Variants in SNX27 observed in about 807,000 individuals in gnomAD.
The protein encoded by SNX27 is sorting nexin-27.
A neutral mutation model predicts 71.6 loss-of-function variants in SNX27; 22 were observed. That is an observed-to-expected ratio of 0.31 (90% CI 0.22 to 0.44). The LOEUF is 0.44. Ranked by LOEUF, SNX27 falls within the 20% of genes least tolerant of loss-of-function variation. The pLI is 1.00. For synonymous variants in SNX27, 269 were observed against 277.2 expected (o/e 0.97, Z 0.29); for missense variants, 531 against 698.6 (o/e 0.76, Z 2.70).
At position 151,612,841 on chromosome 1, in the gene SNX27, T is replaced by C. The variant is rs542935109; in HGVS notation, c.311+329T>C. ...TGGCGTGCTGCATTCTGCTCCTCAC[T>C]CCCCCTCGTCTTGCTCAGAAGGAAC... On this transcript the variant is annotated intron_variant, in intron 1 of 11. Transcript: ENST00000458013. The surrounding 1 kb of genome is among the most constrained non-coding windows in gnomAD (Gnocchi z 5.2). 6.6e-6 allele frequency among the ~76,000 whole-genome samples: 1 copy of C among 151,914 alleles called. No homozygotes were observed. Among genetic ancestry groups the C allele is most frequent in the East Asian group, 1.9e-4 (1 of 5,150 alleles).
chr1:151,648,382 A>G (rs1388898052), intron 2 of SNX27, among the ~76,000 whole-genome samples: 1 of 149,930 alleles, frequency 6.7e-6, no homozygotes, highest in African/African-American at 2.5e-5. Context: ...ATGAGAAAAG[A>G]GTTATTTTAT....
rs776392332 is a variant in SNX27, at chr1:151,683,353, T to C, written c.1150-3T>C. On this transcript the variant is annotated splice_polypyrimidine_tract_variant and splice_region_variant and intron_variant, in intron 7 of 11. Coordinates refer to ENST00000458013, the MANE Select transcript of SNX27 (RefSeq NM_001330723.2). ...TTCTGCTCTACTTCTGTTTTGGTGA[T>C]AGGCAGTCGATGATGTGAAGAAAGG... 3 of 1,610,186 alleles carry C rather than the reference T, an allele frequency of 1.9e-6. No homozygotes were observed. Among genetic ancestry groups the C allele is most frequent in the South Asian group, 2.2e-5 (2 of 90,356 alleles).
Position 151,666,032 on chromosome 1 carries a change from C to G in SNX27, c.985+21C>G, listed in dbSNP as rs1258455821. ...CTTTGGTAAGTACCAGTGGCTGATA[C>G]TAAGTTTTGTTTTCTAATACTATGA... is the stretch of plus-strand genomic sequence containing the variant. On this transcript the variant is annotated intron_variant, in intron 6 of 11. Coordinates refer to ENST00000458013, the MANE Select transcript of SNX27 (RefSeq NM_001330723.2). 3.8e-6 allele frequency: 6 copies of G among 1,589,374 alleles called. No homozygotes were observed. In the South Asian group the frequency reaches 5.6e-5, roughly 15 times the overall value.
chr1:151,662,542 G>T lies in SNX27; in HGVS notation c.906+272G>T, dbSNP rs576570988. 2.7e-3 allele frequency: 549 copies of T among 202,500 alleles called. 1 individual carries two copies. The highest frequency in any genetic ancestry group is 4.4e-3 in the Non-Finnish European group (425 of 96,190). The allele number at this position is 202,500 out of a possible 1,614,324, so 12.5% of individuals were successfully genotyped here. On this transcript the variant is annotated intron_variant, in intron 5 of 11. Transcript: ENST00000458013. ...CTGTCACCCAGGCTGGAGTGCAGTG[G>T]CGCAATCTCCGCTCACTGCAACCTC...
intron 1 of SNX27, among the ~76,000 whole-genome samples, chr1:151,621,968 G>T (rs531759095): frequency 6.6e-6 from 1 of 152,060 alleles, no homozygotes; most frequent in Non-Finnish European, 1.5e-5. Context: ...CTGAAGTTTC[G>T]TTTGTGAGTT....
chr1:151,648,211 G>A (rs1322995077), intron 2 of SNX27, among the ~76,000 whole-genome samples: 4 of 151,830 alleles, frequency 2.6e-5, no homozygotes, highest in African/African-American at 7.3e-5. Context: ...GCACCACCAC[G>A]CCCAGCTCAT....
chr1:151,649,659 C>G lies in SNX27; in HGVS notation c.544-8576C>G, dbSNP rs917647095. 3.0e-4 allele frequency among the ~76,000 whole-genome samples: 46 copies of G among 152,208 alleles called. 1 individual carries two copies. The highest frequency in any genetic ancestry group is 1.1e-3 in the African/African-American group (46 of 41,530). Reference sequence around the variant, plus strand: ...AAGCCTGCTTGTTTTATTTTTTGGTCTTTTCTATGGATTATTTTAACCCTC... The same window carrying G: ...AAGCCTGCTTGTTTTATTTTTTGGTGTTTTCTATGGATTATTTTAACCCTC... On this transcript the variant is annotated intron_variant, in intron 2 of 11. Transcript: ENST00000458013.
At chr1:151,653,560 T>C (rs1398273779) in intron 2 of SNX27, among the ~76,000 whole-genome samples, 1 of 152,182 alleles carries the variant, frequency 6.6e-6, no homozygotes, top group Non-Finnish European at 1.5e-5. Flanking sequence ...CTTCTATCAC[T>C]CAGACTGGAG....
intron 1 of SNX27, among the ~76,000 whole-genome samples, chr1:151,627,234 C>G (rs1296783388): frequency 6.6e-6 from 1 of 152,184 alleles, no homozygotes; most frequent in East Asian, 1.9e-4. Context: ...CCGTGAATTT[C>G]CATTCCACAG....
At chr1:151,687,731 G>A (rs1051592700) in intron 8 of SNX27, among the ~76,000 whole-genome samples, 1 of 152,168 alleles carries the variant, frequency 6.6e-6, no homozygotes, top group Admixed American at 6.5e-5. Flanking sequence ...GGCCGATCAT[G>A]AGGTCAGGAG....
chr1:151,649,174 CTGGTCT>C (rs1669208908), intron 2 of SNX27, among the ~76,000 whole-genome samples: 1 of 151,992 alleles, frequency 6.6e-6, no homozygotes, highest in African/African-American at 2.4e-5. Context: ...GTTGGCCAGG[CTGGTCT>C]TGAACTCCTG....
chr1:151,677,605 A>G (rs1258392864), intron 7 of SNX27: 1 of 152,024 alleles, frequency 6.6e-6, no homozygotes, highest in Non-Finnish European at 1.5e-5. Flanking sequence ...GTATCTCGCT[A>G]TGTTGCCCAG....
chr1:151,612,253 G>T lies in SNX27; in HGVS notation c.52G>T (p.Gly18Ter), dbSNP rs1282543096. The T allele has an allele frequency of 6.9e-7, 1 of 1,443,062 alleles. No homozygotes were observed. The highest frequency in any genetic ancestry group is 9.1e-7 in the Non-Finnish European group (1 of 1,101,016). 89.4% of individuals were successfully genotyped at this position (1,443,062 alleles called of 1,614,324 possible). A position where few individuals can be genotyped will look rare whatever the true frequency, so the allele number is the denominator to read the frequency against. Residue 18 changes from glycine to a stop codon, truncating the protein, a stop_gained, in exon 1 of 12, where the codon GGA (glycine) becomes TGA (stop). Transcript: ENST00000458013. LOFTEE classifies it high-confidence loss of function. The surrounding 1 kb of genome is among the most constrained non-coding windows in gnomAD (Gnocchi z 5.2). ...GIHPSAPHRN[G>*]GGGGGGGSGL... ...TCATCCCTCAGCCCCTCACAGGAACGGAGGTGGCGGCGGCGGCGGGGGGTC... is the reference window on the plus strand; with the variant it reads ...TCATCCCTCAGCCCCTCACAGGAACTGAGGTGGCGGCGGCGGCGGGGGGTC...
At chr1:151,649,573 A>G (rs931823276) in intron 2 of SNX27, among the ~76,000 whole-genome samples, 1 of 152,136 alleles carries the variant, frequency 6.6e-6, no homozygotes, top group African/African-American at 2.4e-5. Context: ...ACAGAGCTAA[A>G]CCCTGTCTCA....
At chr1:151,617,749 A>G (rs957501493) in intron 1 of SNX27, among the ~76,000 whole-genome samples, 5 of 152,128 alleles carry the variant, frequency 3.3e-5, no homozygotes, top group African/African-American at 1.2e-4. Context: ...TTGCCAAATG[A>G]ATATATGAGT....
intron 6 of SNX27, chr1:151,666,212 G>C: frequency 2.6e-6 from 1 of 384,538 alleles, no homozygotes; most frequent in South Asian, 1.1e-4. Flanking sequence ...GTAAGTATAG[G>C]TTATAACTAG....
At position 151,698,933 on chromosome 1, in the gene SNX27, A is replaced by T. The variant is rs1196722700; in HGVS notation, c.*4516A>T. 1 of 152,690 alleles carries T rather than the reference A, an allele frequency of 6.5e-6. No individual in the cohort carries two copies. Among genetic ancestry groups the T allele is most frequent in the Admixed American group, 6.5e-5 (1 of 15,288 alleles). The allele number at this position is 152,690 out of a possible 1,614,324, so 9.5% of individuals were successfully genotyped here. A position where few individuals can be genotyped will look rare whatever the true frequency, so the allele number is the denominator to read the frequency against. On this transcript the variant is annotated 3_prime_UTR_variant, in exon 12 of 12. Coordinates refer to ENST00000458013, the MANE Select transcript of SNX27 (RefSeq NM_001330723.2). ...TTTATTTGTGATTTAAGAAATGTGA[A>T]GAGAAAATACACAGACACAATAATG...
intron 1 of SNX27, among the ~76,000 whole-genome samples, chr1:151,629,897 A>AT (rs535219281): frequency 4.3e-4 from 65 of 150,588 alleles, no homozygotes; most frequent in South Asian, 2.7e-3. Flanking sequence ...ATATATATAT[A>AT]TATTTTTTTG....
At chr1:151,645,925 T>C (rs1337319557) in intron 2 of SNX27, among the ~76,000 whole-genome samples, 2 of 152,200 alleles carry the variant, frequency 1.3e-5, no homozygotes, top group African/African-American at 4.8e-5. Flanking sequence ...CCAGAATTTA[T>C]AGTGGTTACA....
Sources: gnomAD v4.1 joint callset for allele counts (sites outside exome capture counted in the v4.1 genomes callset) on GRCh38, gnomAD v4.1.1 for gene constraint, Gnocchi (gnomAD v3.1) non-coding constraint, MANE v1.5 for transcripts, NCBI Gene and HGNC (gene_info 2026-07-23, HGNC 2026-07-21) for gene names.